The following TRIM44 variants were observed in gnomAD, a reference collection of about 807,000 sequenced individuals.
TRIM44 encodes tripartite motif-containing protein 44.
In TRIM44, 13 loss-of-function variants were observed where a neutral mutation model predicts 37.4. That is an observed-to-expected ratio of 0.35 (90% confidence interval 0.23 to 0.55). The LOEUF (loss-of-function observed/expected upper bound fraction) is 0.55. Ranked by LOEUF, TRIM44 falls within the 20% of genes least tolerant of loss-of-function variation. TRIM44 has a pLI of 0.89. For missense variants in TRIM44, 426 were observed against 437.2 expected, an observed-to-expected ratio of 0.97 and a Z score of 0.23; for synonymous variants, 175 against 157.2, an observed-to-expected ratio of 1.11 and a Z score of -0.85.
In TRIM44 at chr11:35,808,626, A is replaced by T. The variant is rs1853486444; in HGVS notation, c.*2241A>T. The T allele has an allele frequency of 6.6e-6, 1 of 152,220 alleles. No homozygotes were observed. The highest frequency in any genetic ancestry group is 1.5e-5 in the Non-Finnish European group (1 of 68,030). 9.4% of individuals were successfully genotyped at this position (152,220 alleles called of 1,614,324 possible). On this transcript the variant is annotated 3_prime_UTR_variant, in exon 5 of 5. Transcript: ENST00000299413. ...TGCCAACCTGTCTCAGTAACTTATC[A>T]TATCTCTGTGATCCTCAAGGAAAGC...
chr11:35,737,509 CTG>C (rs1402640338), intron 4 of TRIM44, among the ~76,000 whole-genome samples: 1 of 151,574 alleles, frequency 6.6e-6, no homozygotes, highest in Non-Finnish European at 1.5e-5. Flanking sequence ...TTATAAGACT[CTG>C]TCTCTAAAAA....
At chr11:35,692,344 T>G (rs952793924) in intron 2 of TRIM44, among the ~76,000 whole-genome samples, 4 of 152,142 alleles carry the variant, frequency 2.6e-5, no homozygotes, top group African/African-American at 4.8e-5. Context: ...AAGACACCTA[T>G]GGAAAAAACT....
chr11:35,810,160 C>T lies in TRIM44; in HGVS notation c.*3775C>T, dbSNP rs1853511070. On this transcript the variant is annotated 3_prime_UTR_variant, in exon 5 of 5. Coordinates refer to ENST00000299413, the MANE Select transcript of TRIM44 (RefSeq NM_017583.6). ...CTTGGATGCCCAGCCATTTTGGTGA[C>T]CTGAGAGTCTAACTACTCCAGTTAG... 1 of 152,088 alleles carries T rather than the reference C, an allele frequency of 6.6e-6. No homozygotes were observed. Among genetic ancestry groups the T allele is most frequent in the Non-Finnish European group, 1.5e-5 (1 of 68,024 alleles). 9.4% of individuals were successfully genotyped at this position (152,088 alleles called of 1,614,324 possible).
At chr11:35,692,424 A>G (rs1264568285) in intron 2 of TRIM44, among the ~76,000 whole-genome samples, 3 of 152,156 alleles carry the variant, frequency 2.0e-5, no homozygotes, top group Non-Finnish European at 2.9e-5. Flanking sequence ...CTTATCTGAA[A>G]TGTTTGGAAC....
chr11:35,669,920 C>T (rs1219461023), intron 1 of TRIM44, among the ~76,000 whole-genome samples: 1 of 152,184 alleles, frequency 6.6e-6, no homozygotes, highest in Non-Finnish European at 1.5e-5. Flanking sequence ...CTCCTGGGTT[C>T]AAGCAGTTCT....
intron 2 of TRIM44, among the ~76,000 whole-genome samples, chr11:35,725,535 C>T (rs1013240461): frequency 5.3e-5 from 8 of 152,072 alleles, no homozygotes; most frequent in African/African-American, 1.9e-4. Flanking sequence ...AGGGTTTCCT[C>T]ATGTTGGCCA....
chr11:35,721,915 C>A (rs1346156113), intron 2 of TRIM44, among the ~76,000 whole-genome samples: 1 of 152,178 alleles, frequency 6.6e-6, no homozygotes, highest in East Asian at 1.9e-4. Context: ...AAGCCTTGAC[C>A]TCCTTGTTGA....
chr11:35,707,461 T>C (rs187900938), intron 2 of TRIM44, among the ~76,000 whole-genome samples: 1 of 152,280 alleles, frequency 6.6e-6, no homozygotes, highest in Non-Finnish European at 1.5e-5. Context: ...ACCAAGTCAA[T>C]TGTAAGCCAA....
intron 1 of TRIM44, among the ~76,000 whole-genome samples, chr11:35,673,902 T>C (rs1216748732): frequency 1.3e-5 from 2 of 151,974 alleles, no homozygotes; most frequent in African/African-American, 4.8e-5. Flanking sequence ...CGCTTGCACC[T>C]AACCCAAGTC....
chr11:35,718,676 A>C (rs3118131), intron 2 of TRIM44, among the ~76,000 whole-genome samples: 2 of 152,146 alleles, frequency 1.3e-5, no homozygotes, highest in African/African-American at 4.8e-5. Context: ...AATATCATAC[A>C]GAGTAGTTTC....
intron 2 of TRIM44, chr11:35,724,240 T>C (rs902169891): frequency 6.6e-6 from 1 of 152,274 alleles, no homozygotes; most frequent in Admixed American, 6.5e-5. Context: ...TACCCCCTCC[T>C]GTAGGCTTTG....
At chr11:35,702,297 G>C (rs779231610) in intron 2 of TRIM44, among the ~76,000 whole-genome samples, 1 of 152,138 alleles carries the variant, frequency 6.6e-6, no homozygotes, top group African/African-American at 2.4e-5. Context: ...CCCACGCTCC[G>C]GGAGGGCAGC....
rs377117775 is a variant in TRIM44 at position 35,663,302 on chromosome 11, C to G, written c.191C>G (p.Ser64Cys). The change falls in exon 1 of 5, where the codon TCC becomes TGC. Residue 64 changes from serine to cysteine, a missense_variant. Around this residue, in one of 2 missense-constraint regions of TRIM44, gnomAD observed 331 missense variants for 303.0 expected, o/e 1.09. Coordinates refer to ENST00000299413, the MANE Select transcript of TRIM44 (RefSeq NM_017583.6). ...CATCTGGCCGAATACGTCCACGGCT[C>G]CCAGGCCTGGACCCCGCCAGCTGAC... ...SHHLAEYVHG[S>C]QAWTPPADGE... 1.9e-6 allele frequency: 3 copies of G among 1,613,946 alleles called. No individual in the cohort carries two copies. The highest frequency in any genetic ancestry group is 1.7e-6 in the Non-Finnish European group (2 of 1,180,010).
chr11:35,760,256 A>G (rs1852704706), intron 4 of TRIM44, among the ~76,000 whole-genome samples: 14 of 152,132 alleles, frequency 9.2e-5, no homozygotes, highest in Admixed American at 4.6e-4. Context: ...TGTGCTAGCA[A>G]TCAGCGAGGC....
rs996373104 is a variant in TRIM44, at chr11:35,672,292, A to G, written c.669+8512A>G. 2.0e-5 allele frequency among the ~76,000 whole-genome samples: 3 copies of G among 152,048 alleles called. No individual in the cohort carries two copies. The East Asian group carries it at 5.8e-4, about 29-fold the overall frequency. On this transcript the variant is annotated intron_variant, in intron 1 of 4. Coordinates refer to ENST00000299413, the MANE Select transcript of TRIM44 (RefSeq NM_017583.6). ...CACCATTTGCCTTACTACATACGATATGTTCTGTTTCTCTTCTATTCTGTT... is the reference window on the plus strand; with the variant it reads ...CACCATTTGCCTTACTACATACGATGTGTTCTGTTTCTCTTCTATTCTGTT...
At chr11:35,695,430 A>G (rs1488491473) in intron 2 of TRIM44, among the ~76,000 whole-genome samples, 2 of 152,110 alleles carry the variant, frequency 1.3e-5, no homozygotes, top group East Asian at 1.9e-4. Flanking sequence ...AAATCTGGCA[A>G]TTTTCTTGAT....
chr11:35,785,023 G>T (rs1554937802), intron 4 of TRIM44, among the ~76,000 whole-genome samples: 1 of 152,112 alleles, frequency 6.6e-6, no homozygotes, highest in African/African-American at 2.4e-5. Flanking sequence ...CTTAAAGAAG[G>T]TATTGTTCTT....
intron 4 of TRIM44, among the ~76,000 whole-genome samples, chr11:35,742,005 A>T (rs975388647): frequency 1.1e-4 from 16 of 152,224 alleles, no homozygotes; most frequent in Non-Finnish European, 2.1e-4. Context: ...ATCACAGCTC[A>T]CCGCAGCCTC....
intron 4 of TRIM44, among the ~76,000 whole-genome samples, chr11:35,735,916 A>G (rs1007182375): frequency 1.3e-5 from 2 of 151,936 alleles, no homozygotes; most frequent in Non-Finnish European, 2.9e-5. Context: ...GGTATACAAA[A>G]CTTTGTTTAG....
Sources: gnomAD v4.1 joint callset for allele counts (sites outside exome capture counted in the v4.1 genomes callset) on GRCh38, gnomAD v4.1.1 for gene constraint, gnomAD v4.1.1 regional missense constraint, MANE v1.5 for transcripts, NCBI Gene and HGNC (gene_info 2026-07-23, HGNC 2026-07-21) for gene names.